MEGF9: variants seen among roughly 807,000 people sequenced by gnomAD.
MEGF9 encodes multiple epidermal growth factor-like domains protein 9.
A neutral mutation model predicts 46.8 loss-of-function variants in MEGF9; 6 were observed. The ratio of observed to expected loss-of-function variants is 0.13; its 90% CI spans 0.07 to 0.25. The LOEUF is 0.25. MEGF9 is among the 10% of genes least tolerant of loss of function. The pLI is 1.00. For missense variants in MEGF9, 683 were observed against 792.4 expected (o/e 0.86, Z 1.66); for synonymous variants, 302 against 330.7 (o/e 0.91, Z 0.94).
Position 120,607,955 on chromosome 9 carries a change from C to T in MEGF9, c.1143G>A (p.Pro381=), listed in dbSNP as rs756170324. Residue 381 remains proline, a synonymous_variant, in exon 5 of 6, where the codon CCG becomes CCA. Transcript: ENST00000373930. ...AGCCATTTTCACATTTATTGCAGTT[C>T]GGGCCTATGTAACCATCTTTACACT... ...CDQCKDGYIG[P]NCNKCENGYY... is the part of the protein sequence containing the mutation. 32 of 1,613,824 alleles carry T rather than the reference C, an allele frequency of 2.0e-5. No homozygotes were observed. The highest frequency in any genetic ancestry group is 2.0e-4 in the South Asian group (18 of 91,088).
At chr9:120,707,521 T>C (rs1025213799) in intron 1 of MEGF9, among the ~76,000 whole-genome samples, 1 of 152,150 alleles carries the variant, frequency 6.6e-6, no homozygotes, top group Non-Finnish European at 1.5e-5. Flanking sequence ...AATGAAAAAA[T>C]CTAAATTCTG....
chr9:120,704,607 A>T (rs10984987), intron 1 of MEGF9, among the ~76,000 whole-genome samples: 2 of 152,218 alleles, frequency 1.3e-5, no homozygotes, highest in Non-Finnish European at 1.5e-5. Flanking sequence ...ACAAAATATC[A>T]AATCTGAAAC....
chr9:120,634,767 G>C lies in MEGF9; in HGVS notation c.804-12012C>G, dbSNP rs1316913690. Among the ~76,000 whole-genome samples the C allele has an allele frequency of 4.6e-5, 7 of 152,030 alleles. No homozygotes were observed. The East Asian group carries it at 1.3e-3, about 29-fold the overall frequency. On this transcript the variant is annotated intron_variant, in intron 2 of 5. Coordinates refer to ENST00000373930, the MANE Select transcript of MEGF9 (RefSeq NM_001080497.3). ...GGTAAGGACTTACTGCTGACATTTT[G>C]TTAATTGTTTTCTGGTTGCTTTGTA...
intron 2 of MEGF9, among the ~76,000 whole-genome samples, chr9:120,650,325 T>G (rs1446036253): frequency 6.6e-6 from 1 of 152,268 alleles, no homozygotes; most frequent in Non-Finnish European, 1.5e-5. Context: ...CTTTTTGAGA[T>G]AAAATGCTAC....
chr9:120,612,344 G>A, intron 4 of MEGF9, 52 bp downstream of exon 4: 1 of 1,574,004 alleles, frequency 6.4e-7, no homozygotes, highest in South Asian at 1.2e-5. Flanking sequence ...TATACCTATT[G>A]ATAACTGATT....
chr9:120,607,226 A>G (rs994430730), intron 5 of MEGF9, among the ~76,000 whole-genome samples: 17 of 152,334 alleles, frequency 1.1e-4, no homozygotes, highest in Non-Finnish European at 2.2e-4. Flanking sequence ...CTTTCCTATA[A>G]GAAATATTTT....
Position 120,612,537 on chromosome 9 carries a change from C to T in MEGF9, c.946G>A (p.Ala316Thr). ...RSASCDALTG[A>T]CLNCQENSKG... ...CTATTTTCCTGGCAGTTTAAACAAGCACCTAAAAGAAGCAAATTATTTTTA... is the reference window on the plus strand; with the variant it reads ...CTATTTTCCTGGCAGTTTAAACAAGTACCTAAAAGAAGCAAATTATTTTTA... Residue 316 changes from alanine (A) to threonine (T), a missense_variant and splice_region_variant, in exon 4 of 6, where the codon GCT becomes ACT. Physicochemically the swap from Ala to Thr is moderately conservative, Grantham distance 58 (BLOSUM62 0). This residue lies in a region of MEGF9 where 313 missense variants were observed against 421.1 expected (regional missense o/e 0.74). Coordinates refer to ENST00000373930, the MANE Select transcript of MEGF9 (RefSeq NM_001080497.3). 6.2e-7 allele frequency: 1 copy of T among 1,603,612 alleles called. No individual in the cohort carries two copies. Among genetic ancestry groups the T allele is most frequent in the African/African-American group, 1.3e-5 (1 of 74,396 alleles).
rs2043965262 is a variant in MEGF9 at position 120,713,915 on chromosome 9, A to C, written c.444T>G (p.Leu148=). The change falls in exon 1 of 6, where the codon CTT becomes CTG. Residue 148 remains leucine, a synonymous_variant. Transcript: ENST00000373930. ...QAPTRPAPTT[L]STTTGPAPTT... ...TCGGCGCCGGGCCAGTGGTCGTCGAAAGGGTGGTCGGCGCGGGTCTGGTCG... is the reference window on the plus strand; with the variant it reads ...TCGGCGCCGGGCCAGTGGTCGTCGACAGGGTGGTCGGCGCGGGTCTGGTCG... 2.2e-6 allele frequency: 3 copies of C among 1,340,316 alleles called. No homozygotes were observed. The highest frequency in any genetic ancestry group is 2.9e-6 in the Non-Finnish European group (3 of 1,041,196). 83.0% of individuals were successfully genotyped at this position (1,340,316 alleles called of 1,614,324 possible).
chr9:120,688,040 A>AT (rs1245929042), intron 1 of MEGF9, among the ~76,000 whole-genome samples: 2 of 152,034 alleles, frequency 1.3e-5, no homozygotes, highest in African/African-American at 4.8e-5. Context: ...AACTTGTACT[A>AT]TAGAAATAAT....
intron 2 of MEGF9, among the ~76,000 whole-genome samples, chr9:120,640,554 G>C (rs930780627): frequency 2.0e-5 from 3 of 151,928 alleles, no homozygotes; most frequent in African/African-American, 7.3e-5. Flanking sequence ...CATGTGATAG[G>C]CATGCAAACT....
intron 2 of MEGF9, among the ~76,000 whole-genome samples, chr9:120,652,413 G>T (rs2043656744): frequency 6.8e-6 from 1 of 147,386 alleles, no homozygotes. Flanking sequence ...GGAGGTTGAG[G>T]CTGCAGCGAG....
chr9:120,663,059 G>A (rs149834573), intron 1 of MEGF9, among the ~76,000 whole-genome samples: 3 of 152,324 alleles, frequency 2.0e-5, no homozygotes, highest in African/African-American at 7.2e-5. Flanking sequence ...CAGTTTATCT[G>A]TAGCAGGGTG....
intron 1 of MEGF9, among the ~76,000 whole-genome samples, chr9:120,677,025 T>C (rs545061803): frequency 2.0e-5 from 3 of 152,328 alleles, no homozygotes; most frequent in African/African-American, 7.2e-5. Flanking sequence ...TCACCACTTC[T>C]TCCTTTAAAA....
Position 120,607,974 on chromosome 9 carries a change from T to C in MEGF9, c.1124A>G (p.Lys375Arg). Reference protein sequence around the residue: ...SELEPECDQCKDGYIGPNCNK... With the variant: ...SELEPECDQCRDGYIGPNCNK... ...GCAGTTCGGGCCTATGTAACCATCTTTACACTGGTCACATTCAGGTTCCAA... is the reference window on the plus strand; with the variant it reads ...GCAGTTCGGGCCTATGTAACCATCTCTACACTGGTCACATTCAGGTTCCAA... The change falls in exon 5 of 6, where the codon AAA (lysine) becomes AGA (arginine). Residue 375 changes from lysine (K) to arginine (R), a missense_variant. Transcript: ENST00000373930. The C allele has an allele frequency of 6.2e-7, 1 of 1,614,018 alleles. No homozygotes were observed. Among genetic ancestry groups the C allele is most frequent in the Non-Finnish European group, 8.5e-7 (1 of 1,179,876 alleles).
chr9:120,642,537 G>A (rs1182131557), intron 2 of MEGF9, among the ~76,000 whole-genome samples: 1 of 152,164 alleles, frequency 6.6e-6, no homozygotes, highest in African/African-American at 2.4e-5. Context: ...CAAGAATGGA[G>A]GTTTAAAGTG....
intron 1 of MEGF9, among the ~76,000 whole-genome samples, chr9:120,691,232 C>T (rs1050410857): frequency 3.3e-5 from 5 of 152,084 alleles, no homozygotes; most frequent in African/African-American, 1.2e-4. Flanking sequence ...AATCAAGTCT[C>T]TAGATTTAGC....
intron 1 of MEGF9, among the ~76,000 whole-genome samples, chr9:120,680,953 AG>A (rs1045745182): frequency 1.3e-5 from 2 of 151,958 alleles, no homozygotes; most frequent in African/African-American, 4.8e-5. Context: ...GGGCAGGTCC[AG>A]AAATGCTGCC....
At chr9:120,690,379 GTA>G (rs1554799116) in intron 1 of MEGF9, among the ~76,000 whole-genome samples, 1 of 152,078 alleles carries the variant, frequency 6.6e-6, no homozygotes, top group Non-Finnish European at 1.5e-5. Context: ...GTGTGTGTGT[GTA>G]TATATTAAAG....
intron 2 of MEGF9, among the ~76,000 whole-genome samples, chr9:120,633,524 T>C (rs967359772): frequency 3.9e-5 from 6 of 152,096 alleles, no homozygotes; most frequent in African/African-American, 1.2e-4. Flanking sequence ...TTCTCAATTT[T>C]GTTTATCTTT....
Sources: gnomAD v4.1 joint callset for allele counts (sites outside exome capture counted in the v4.1 genomes callset) on GRCh38, gnomAD v4.1.1 for gene constraint, gnomAD v4.1.1 regional missense constraint, MANE v1.5 for transcripts, NCBI Gene and HGNC (gene_info 2026-07-23, HGNC 2026-07-21) for gene names.